RGS6: variants seen among roughly 807,000 people sequenced by gnomAD.
RGS6 encodes the protein regulator of G protein signaling 6.
Under a neutral mutation model 78.5 loss-of-function variants are expected in RGS6, and 30 were observed. The observed-to-expected ratio is 0.38, with a 90% CI of 0.29 to 0.52. RGS6 has a LOEUF of 0.52. RGS6 is among the 20% of genes least tolerant of loss of function. The pLI is 0.85. For missense variants in RGS6, 495 were observed against 609.7 expected (o/e 0.81, Z 1.98); for synonymous variants, 206 against 206.0 (o/e 1.00, Z 0.00).
At chr14:72,271,955 T>C (rs2060014150) in intron 2 of RGS6, among the ~76,000 whole-genome samples, 1 of 151,858 alleles carries the variant, frequency 6.6e-6, no homozygotes, top group Non-Finnish European at 1.5e-5. Flanking sequence ...TCTTCCACTT[T>C]TAAGGACTCT....
chr14:72,475,964 C>T (rs2096235900), intron 10 of RGS6, among the ~76,000 whole-genome samples: 1 of 152,026 alleles, frequency 6.6e-6, no homozygotes, highest in South Asian at 2.1e-4. Context: ...CTAAAATGTC[C>T]TCATTTCATC....
chr14:72,131,545 C>T (rs1034075434), intron 2 of RGS6, among the ~76,000 whole-genome samples: 1 of 152,210 alleles, frequency 6.6e-6, no homozygotes, highest in Non-Finnish European at 1.5e-5. Context: ...CTCCCTGTCT[C>T]ACCTCAGGTA....
intron 2 of RGS6, among the ~76,000 whole-genome samples, chr14:72,012,528 C>G (rs1255247977): frequency 6.6e-6 from 1 of 152,164 alleles, no homozygotes; most frequent in African/African-American, 2.4e-5. Context: ...GATTTTTAGG[C>G]TCTTGCACCA....
At chr14:72,297,463 G>A (rs1308683212) in intron 2 of RGS6, among the ~76,000 whole-genome samples, 4 of 150,378 alleles carry the variant, frequency 2.7e-5, no homozygotes, top group Admixed American at 6.6e-5. Flanking sequence ...TAGGGTACAT[G>A]TGCACATTGT....
At chr14:72,405,085 T>A (rs2092803459) in intron 3 of RGS6, among the ~76,000 whole-genome samples, 1 of 152,172 alleles carries the variant, frequency 6.6e-6, no homozygotes, top group African/African-American at 2.4e-5. Context: ...AAAAAAATCC[T>A]TGACAATCAG....
rs112314837 is a variant in RGS6 at position 72,314,457 on chromosome 14, T to C, written c.85-37638T>C. Among the ~76,000 whole-genome samples, 1,386 of 152,354 alleles carry C rather than the reference T, an allele frequency of 9.1e-3. 11 individuals are homozygous for C. The highest frequency in any genetic ancestry group is 0.023 in the South Asian group (113 of 4,828). Reference sequence around the variant, plus strand: ...CCACTGGCTTACAGACTTCTACTTATGTCTCATTGGCCAGAACTGTGGGAG... The same window carrying C: ...CCACTGGCTTACAGACTTCTACTTACGTCTCATTGGCCAGAACTGTGGGAG... On this transcript the variant is annotated intron_variant, in intron 2 of 17. Coordinates refer to ENST00000553525, the MANE Select transcript of RGS6 (RefSeq NM_001204424.2).
intron 2 of RGS6, among the ~76,000 whole-genome samples, chr14:72,196,347 T>C (rs1389345345): frequency 2.0e-5 from 3 of 152,294 alleles, no homozygotes; most frequent in South Asian, 4.1e-4. Flanking sequence ...GGACCTGGGA[T>C]TTCCCCTCCT....
chr14:71,946,244 A>C (rs951764382), intron 1 of RGS6, among the ~76,000 whole-genome samples: 4 of 152,072 alleles, frequency 2.6e-5, no homozygotes, highest in Non-Finnish European at 5.9e-5. Flanking sequence ...AACTCTCTTG[A>C]TCTGCATTCT....
At chr14:72,282,130 A>G (rs2061686074) in intron 2 of RGS6, among the ~76,000 whole-genome samples, 1 of 152,192 alleles carries the variant, frequency 6.6e-6, no homozygotes, top group African/African-American at 2.4e-5. Flanking sequence ...CTGGAATATC[A>G]GTAAAAATAA....
chr14:72,427,664 A>G (rs1440800356), intron 3 of RGS6, among the ~76,000 whole-genome samples: 1 of 152,120 alleles, frequency 6.6e-6, no homozygotes, highest in African/African-American at 2.4e-5. Flanking sequence ...CGTTCAGGGT[A>G]GACTTTGGCA....
Position 72,262,674 on chromosome 14 carries a change from T to C in RGS6, c.85-89421T>C, listed in dbSNP as rs60089546. Among the ~76,000 whole-genome samples the C allele has an allele frequency of 9.9e-3, 1,511 of 152,348 alleles. 31 individuals carry two copies. The highest frequency in any genetic ancestry group is 0.034 in the African/African-American group (1,426 of 41,576). On this transcript the variant is annotated intron_variant, in intron 2 of 17. Coordinates refer to ENST00000553525, the MANE Select transcript of RGS6 (RefSeq NM_001204424.2). ...TGCAAGTTGACATTTCTGAAAAATA[T>C]GTTTATTCTCCAAATTTAAGAGACT...
At chr14:72,363,614 A>G (rs1346090514) in intron 3 of RGS6, among the ~76,000 whole-genome samples, 1 of 152,230 alleles carries the variant, frequency 6.6e-6, no homozygotes. Flanking sequence ...CTTGAAATAG[A>G]GCAGAGGGTA....
chr14:72,124,916 A>G (rs77412869), intron 2 of RGS6, among the ~76,000 whole-genome samples: 1,628 of 152,328 alleles, frequency 0.011, 25 homozygotes, highest in African/African-American at 0.037. Context: ...TAAACAACAT[A>G]AGAGAAGGTG....
chr14:72,513,137 T>G (rs1174744749), intron 14 of RGS6, among the ~76,000 whole-genome samples: 1 of 152,222 alleles, frequency 6.6e-6, no homozygotes, highest in African/African-American at 2.4e-5. Context: ...CTCCACTTCC[T>G]CTGTCCTCCT....
intron 3 of RGS6, among the ~76,000 whole-genome samples, chr14:72,392,531 C>T (rs1376949877): frequency 6.6e-6 from 1 of 152,148 alleles, no homozygotes; most frequent in Non-Finnish European, 1.5e-5. Context: ...AAGGAAAATT[C>T]AGGGAAGGTA....
intron 2 of RGS6, among the ~76,000 whole-genome samples, chr14:72,333,943 C>G (rs995998247): frequency 1.3e-5 from 2 of 152,206 alleles, no homozygotes. Context: ...TTGGCAAAAG[C>G]TTTTTATCTG....
intron 2 of RGS6, among the ~76,000 whole-genome samples, chr14:72,125,324 G>T (rs1228252960): frequency 1.3e-5 from 2 of 152,162 alleles, no homozygotes; most frequent in Non-Finnish European, 2.9e-5. Context: ...GAGGTATCAG[G>T]TTTGGGTTTT....
At chr14:72,224,951 TCA>T (rs1224086800) in intron 2 of RGS6, among the ~76,000 whole-genome samples, 1 of 152,162 alleles carries the variant, frequency 6.6e-6, no homozygotes, top group African/African-American at 2.4e-5. Flanking sequence ...AGGCCTCGAC[TCA>T]CACCTTTAAA....
In RGS6 at chr14:72,565,757, A is replaced by C. The variant is rs2097707290; in HGVS notation, c.*3290A>C. On this transcript the variant is annotated 3_prime_UTR_variant, in exon 18 of 18. Transcript: ENST00000553525. The stretch of plus-strand genomic sequence containing the variant: ...ACGCTGAACCAGGAGCCTGCCACCC[A>C]ACTGGCCCCCTTGGTGATTGTGGAA... The C allele has an allele frequency of 6.6e-6, 1 of 152,274 alleles. No homozygotes were observed. Among genetic ancestry groups the C allele is most frequent in the Admixed American group, 6.5e-5 (1 of 15,284 alleles). 9.4% of individuals were successfully genotyped at this position (152,274 alleles called of 1,614,324 possible).
Sources: allele counts gnomAD v4.1 joint callset (sites outside exome capture counted in the v4.1 genomes callset), GRCh38; gene constraint gnomAD v4.1.1; transcripts MANE v1.5; gene names NCBI Gene and HGNC (gene_info 2026-07-23, HGNC 2026-07-21).